RPAP2: variants seen among roughly 807,000 people sequenced by gnomAD.
RPAP2 encodes the protein RNA polymerase II associated protein 2.
Under a neutral mutation model 73.1 loss-of-function variants are expected in RPAP2, and 52 were observed. The observed-to-expected ratio is 0.71, with a 90% CI of 0.57 to 0.90. RPAP2 has a LOEUF of 0.90. Ranked by LOEUF, RPAP2 falls within the 40% of genes least tolerant of loss-of-function variation. The probability of loss-of-function intolerance (pLI) is 0.00; values close to 1 mark genes in which losing one functional copy is unlikely to be tolerated. For synonymous variants in RPAP2, 225 were observed against 242.1 expected, an observed-to-expected ratio of 0.93 and a Z score of 0.65; for missense variants, 598 against 701.8, an observed-to-expected ratio of 0.85 and a Z score of 1.67.
chr1:92,325,085 C>A (rs1652548802), intron 8 of RPAP2, among the ~76,000 whole-genome samples: 1 of 151,952 alleles, frequency 6.6e-6, no homozygotes, highest in African/African-American at 2.4e-5. Context: ...GTAAATAGTA[C>A]CCATATGTAG....
intron 10 of RPAP2, 120 bp from the exon 11 acceptor site, chr1:92,345,723 TAAC>T: frequency 1.6e-6 from 1 of 609,110 alleles, no homozygotes. Context: ...CTGTCAAATA[TAAC>T]AAGTATTTTA....
chr1:92,345,782 TAGAA>T (rs1275765024), intron 10 of RPAP2, 60 bp from the exon 11 acceptor site: 179 of 1,005,992 alleles, frequency 1.8e-4, no homozygotes, highest in South Asian at 1.5e-3. Context: ...TGATGTTATC[TAGAA>T]AGAAATAGAA....
chr1:92,372,892 G>A (rs1208410988), intron 11 of RPAP2, among the ~76,000 whole-genome samples: 4 of 152,208 alleles, frequency 2.6e-5, no homozygotes, highest in African/African-American at 9.6e-5. Flanking sequence ...TACAGCCAGA[G>A]TGACACAGCA....
chr1:92,366,577 G>A (rs1234631700), intron 11 of RPAP2, among the ~76,000 whole-genome samples: 1 of 152,064 alleles, frequency 6.6e-6, no homozygotes, highest in African/African-American at 2.4e-5. Context: ...AGATGTTTTC[G>A]GTGTCTCACT....
intron 11 of RPAP2, 84 bp from the exon 12 acceptor site, chr1:92,380,640 A>C: frequency 1.1e-6 from 1 of 931,020 alleles, no homozygotes; most frequent in Admixed American, 3.0e-5. Flanking sequence ...ATTCTCATAA[A>C]ATTTTCTCTG....
intron 11 of RPAP2, among the ~76,000 whole-genome samples, chr1:92,352,935 A>G: frequency 6.6e-6 from 1 of 152,222 alleles, no homozygotes; most frequent in East Asian, 1.9e-4. Flanking sequence ...AACTTTTCAC[A>G]TAAATGGAAT....
chr1:92,299,852 C>A (rs974286428), intron 1 of RPAP2, among the ~76,000 whole-genome samples: 3 of 151,946 alleles, frequency 2.0e-5, no homozygotes, highest in Non-Finnish European at 4.4e-5. Flanking sequence ...TTTGTGTAGA[C>A]CTGACCTACT....
chr1:92,357,045 G>A (rs1187901477), intron 11 of RPAP2, among the ~76,000 whole-genome samples: 3 of 150,444 alleles, frequency 2.0e-5, no homozygotes, highest in Non-Finnish European at 3.0e-5. Flanking sequence ...CAGCCTGGGT[G>A]ACAGAGCAAG....
intron 9 of RPAP2, among the ~76,000 whole-genome samples, chr1:92,335,262 A>C (rs1200281094): frequency 6.6e-6 from 1 of 152,234 alleles, no homozygotes; most frequent in Non-Finnish European, 1.5e-5. Flanking sequence ...AGGGAATGAA[A>C]AATGAAGCAA....
In RPAP2 at chr1:92,333,219, A is replaced by G. The variant is rs1180383044; in HGVS notation, c.1456-172A>G. On this transcript the variant is annotated intron_variant, in intron 8 of 12. Transcript: ENST00000610020. ...GGCAAATGACTCAAAGAAGTTCACA[A>G]CAGCCTAACAACTGAGTTGATACTC... 7 of 569,580 alleles carry G rather than the reference A, an allele frequency of 1.2e-5. No individual in the cohort carries two copies. In the East Asian group the frequency reaches 1.4e-4, roughly 11 times the overall value. 35.3% of individuals were successfully genotyped at this position (569,580 alleles called of 1,614,324 possible). A position where few individuals can be genotyped will look rare whatever the true frequency, so the allele number is the denominator to read the frequency against.
At chr1:92,347,329 A>G (rs895211037) in intron 11 of RPAP2, among the ~76,000 whole-genome samples, 1 of 150,406 alleles carries the variant, frequency 6.6e-6, no homozygotes, top group Non-Finnish European at 1.5e-5. Context: ...GGCAAAGAAA[A>G]TATCAGTATC....
intron 8 of RPAP2, among the ~76,000 whole-genome samples, chr1:92,327,562 A>G (rs1652708458): frequency 6.6e-6 from 1 of 152,210 alleles, no homozygotes; most frequent in South Asian, 2.1e-4. Context: ...GTGTCAGGTG[A>G]GTCCCTTGAA....
rs138241115 is a variant in RPAP2 at position 92,358,929 on chromosome 1, A to G, written c.1688+13015A>G. ...AAAAAAAACAAAACAGAAAAAACAAATAGACCTATCCTTTGTTCTTGACCT... is the reference window on the plus strand; with the variant it reads ...AAAAAAAACAAAACAGAAAAAACAAGTAGACCTATCCTTTGTTCTTGACCT... On this transcript the variant is annotated intron_variant, in intron 11 of 12. Transcript: ENST00000610020. 8.4e-3 allele frequency among the ~76,000 whole-genome samples: 1,279 copies of G among 152,222 alleles called. 15 individuals carry two copies. The highest frequency in any genetic ancestry group is 0.014 in the Non-Finnish European group (952 of 68,012).
intron 11 of RPAP2, among the ~76,000 whole-genome samples, chr1:92,346,620 ATACT>A (rs1206320624): frequency 2.0e-5 from 3 of 152,210 alleles, no homozygotes; most frequent in Non-Finnish European, 4.4e-5. Flanking sequence ...GTTTGTCAAC[ATACT>A]TTATTAGCAC....
At chr1:92,346,691 T>C (rs573673418) in intron 11 of RPAP2, among the ~76,000 whole-genome samples, 9 of 152,212 alleles carry the variant, frequency 5.9e-5, no homozygotes, top group Non-Finnish European at 1.2e-4. Context: ...TTAAAGGAAC[T>C]AAACCAGATG....
At chr1:92,319,361 C>G (rs1292124128) in intron 6 of RPAP2, among the ~76,000 whole-genome samples, 9 of 152,210 alleles carry the variant, frequency 5.9e-5, no homozygotes, top group Non-Finnish European at 1.2e-4. Flanking sequence ...TGCTTATTCT[C>G]TCTGTACTCA....
intron 11 of RPAP2, among the ~76,000 whole-genome samples, chr1:92,374,323 C>A (rs184343883): frequency 1.3e-5 from 2 of 152,224 alleles, no homozygotes; most frequent in Admixed American, 1.3e-4. Flanking sequence ...AGTTAGGAGG[C>A]CATTACTGAC....
At chr1:92,382,068 T>C (rs994064291) in intron 12 of RPAP2, among the ~76,000 whole-genome samples, 3 of 151,924 alleles carry the variant, frequency 2.0e-5, no homozygotes, top group African/African-American at 7.2e-5. Flanking sequence ...TGGTTTCCAG[T>C]TTCATCCATG....
chr1:92,333,437 T>C lies in RPAP2; in HGVS notation c.1502T>C (p.Ile501Thr). The C allele has an allele frequency of 6.2e-7, 1 of 1,613,676 alleles. No homozygotes were observed. Among genetic ancestry groups the C allele is most frequent in the South Asian group, 1.1e-5 (1 of 91,058 alleles). The change falls in exon 9 of 13, where the codon ATT becomes ACT. Residue 501 changes from isoleucine to threonine, a missense_variant. Physicochemically the swap from Ile to Thr is moderately conservative, Grantham distance 89. Transcript: ENST00000610020. ...ATAGACTCAAGTTCCCAGAACCAGA[T>C]TAGAAAACGCATCGTACTTGAAAAG... ...PLIDSSSQNQ[I>T]RKRIVLEKLS...
Sources: gnomAD v4.1 joint callset for allele counts (sites outside exome capture counted in the v4.1 genomes callset) on GRCh38, gnomAD v4.1.1 for gene constraint, MANE v1.5 for transcripts, NCBI Gene and HGNC (gene_info 2026-07-23, HGNC 2026-07-21) for gene names.